The following TFCP2 variants were observed in gnomAD, a reference collection of about 807,000 sequenced individuals.
TFCP2 encodes transcription factor CP2, also known as alpha-globin transcription factor CP2.
TFCP2 carries 33 observed loss-of-function variants against 73.4 expected under a neutral mutation model. That is an observed-to-expected ratio of 0.45 (90% CI 0.34 to 0.60). The LOEUF (loss-of-function observed/expected upper bound fraction) is 0.60. Among genes scored for constraint, TFCP2 ranks in the 20% least tolerant of loss-of-function variants. The pLI is 0.01. For missense variants in TFCP2, 352 were observed against 604.0 expected (o/e 0.58, Z 4.37); for synonymous variants, 193 against 211.6 (o/e 0.91, Z 0.76).
At chr12:51,154,460 G>A (rs190577237) in intron 1 of TFCP2, among the ~76,000 whole-genome samples, 21 of 152,306 alleles carry the variant, frequency 1.4e-4, no homozygotes, top group Non-Finnish European at 2.2e-4. Context: ...TTGGGAGGCC[G>A]AGGCGGGTGG....
At chr12:51,125,574 C>A (rs2136994777) in intron 1 of TFCP2, among the ~76,000 whole-genome samples, 2 of 152,292 alleles carry the variant, frequency 1.3e-5, no homozygotes, top group Middle Eastern at 6.8e-3. Context: ...TTCTTTAGCC[C>A]TTCTGTCTAA....
Position 51,146,493 on chromosome 12 carries a change from A to G in TFCP2, c.122+25808T>C, listed in dbSNP as rs557482102. 1.1e-4 allele frequency among the ~76,000 whole-genome samples: 17 copies of G among 152,228 alleles called. No individual in the cohort carries two copies. The South Asian group carries it at 3.5e-3, about 32-fold the overall frequency. On this transcript the variant is annotated intron_variant, in intron 1 of 14. Transcript: ENST00000257915. ...AGAAATTAGGAAAATACAAATTAAA[A>G]CCACAATAAAATACTATTCCACACA...
intron 9 of TFCP2, 154 bp from the exon 10 acceptor site, chr12:51,103,917 G>GTTCCATCCT: frequency 5.6e-6 from 4 of 710,658 alleles, no homozygotes; most frequent in Non-Finnish European, 2.4e-6. Flanking sequence ...TGCTCAAGGA[G>GTTCCATCCT]TTCCATCCTT....
Position 51,107,228 on chromosome 12 carries a change from CTTT to C in TFCP2, c.828+5_828+7del. ...AACTGAAATTGTCACCAAAAGAAAT[CTTT>C]TTACCTCTGTGAGTATGGTTGTCTC... On this transcript the variant is annotated splice_donor_5th_base_variant and intron_variant, in intron 7 of 14. Transcript: ENST00000257915. 6.3e-7 allele frequency: 1 copy of C among 1,582,546 alleles called. No individual in the cohort carries two copies. The highest frequency in any genetic ancestry group is 8.6e-7 in the Non-Finnish European group (1 of 1,167,780).
chr12:51,167,852 G>C (rs894995076), intron 1 of TFCP2, among the ~76,000 whole-genome samples: 1 of 152,036 alleles, frequency 6.6e-6, no homozygotes, highest in Non-Finnish European at 1.5e-5. Context: ...CTTAAGGTCG[G>C]GAGTTAGAGA....
chr12:51,122,235 T>C (rs1340021616), intron 1 of TFCP2, among the ~76,000 whole-genome samples: 1 of 149,720 alleles, frequency 6.7e-6, no homozygotes, highest in East Asian at 1.9e-4. Flanking sequence ...CATGAAACAG[T>C]TTTATTTTTT....
intron 1 of TFCP2, among the ~76,000 whole-genome samples, chr12:51,162,630 G>T (rs963597183): frequency 6.6e-6 from 1 of 151,934 alleles, no homozygotes; most frequent in Non-Finnish European, 1.5e-5. Flanking sequence ...ACAATATATC[G>T]TTTTAACTAT....
intron 1 of TFCP2, among the ~76,000 whole-genome samples, chr12:51,156,346 G>C (rs540453865): frequency 8.6e-5 from 13 of 152,030 alleles, no homozygotes; most frequent in East Asian, 1.9e-4. Context: ...GGAAGCAAGG[G>C]GGGGGGAGGT....
chr12:51,102,372 G>A (rs1406796937), intron 10 of TFCP2, among the ~76,000 whole-genome samples: 2 of 151,974 alleles, frequency 1.3e-5, no homozygotes, highest in African/African-American at 2.4e-5. Flanking sequence ...GAGGCCAATC[G>A]ACTGTTAGGA....
chr12:51,147,860 CAG>C (rs1941331727), intron 1 of TFCP2, among the ~76,000 whole-genome samples: 1 of 152,122 alleles, frequency 6.6e-6, no homozygotes. Flanking sequence ...AGACAACCCA[CAG>C]AGTGGGAGAA....
At chr12:51,140,325 G>A (rs1941158285) in intron 1 of TFCP2, among the ~76,000 whole-genome samples, 1 of 151,992 alleles carries the variant, frequency 6.6e-6, no homozygotes, top group African/African-American at 2.4e-5. Context: ...AATACTTTGG[G>A]AGGCTGAGGC....
intron 10 of TFCP2, 58 bp from the exon 11 acceptor site, chr12:51,102,083 A>G (rs1940123144): frequency 4.2e-6 from 5 of 1,200,348 alleles, no homozygotes; most frequent in Non-Finnish European, 6.2e-6. Flanking sequence ...GTTAATGACT[A>G]TTAAAATGGG....
intron 1 of TFCP2, among the ~76,000 whole-genome samples, chr12:51,126,949 G>A (rs1940831562): frequency 6.6e-6 from 1 of 152,216 alleles, no homozygotes; most frequent in African/African-American, 2.4e-5. Context: ...CTGGCAAGAA[G>A]AGATGGCCCT....
chr12:51,143,342 CCA>C (rs1482391172), intron 1 of TFCP2, among the ~76,000 whole-genome samples: 1 of 150,168 alleles, frequency 6.7e-6, no homozygotes, highest in African/African-American at 2.5e-5. Context: ...AATGGCAACA[CCA>C]TCCAACAAAA....
At chr12:51,111,134 T>C (rs578245824) in intron 4 of TFCP2, 151 bp from the exon 5 acceptor site, 6 of 606,150 alleles carry the variant, frequency 9.9e-6, no homozygotes, top group African/African-American at 9.3e-5. Flanking sequence ...GTCGTTGTTG[T>C]TGTTTTTTAT....
chr12:51,124,678 C>T (rs781298564), intron 1 of TFCP2: 16 of 623,698 alleles, frequency 2.6e-5, no homozygotes, highest in Non-Finnish European at 3.9e-5. Context: ...TCCATCAGGC[C>T]GTCCCCCGCG....
chr12:51,158,670 G>C (rs570808926), intron 1 of TFCP2, among the ~76,000 whole-genome samples: 1 of 151,590 alleles, frequency 6.6e-6, no homozygotes, highest in Non-Finnish European at 1.5e-5. Flanking sequence ...TATATTTTTA[G>C]TAAAGACAGG....
At chr12:51,110,309 C>T (rs1940368266) in intron 5 of TFCP2, among the ~76,000 whole-genome samples, 1 of 152,094 alleles carries the variant, frequency 6.6e-6, no homozygotes, top group Admixed American at 6.6e-5. Flanking sequence ...TGGCTCACAC[C>T]TATAATCCCA....
Position 51,106,631 on chromosome 12 carries a change from G to A in TFCP2, c.829-18C>T, listed in dbSNP as rs762253633. On this transcript the variant is annotated intron_variant, in intron 7 of 14. Coordinates refer to ENST00000257915, the MANE Select transcript of TFCP2 (RefSeq NM_005653.5). ...GGAGAACACTAAAAACAAAGGATAA[G>A]TTAGATAATGAACGAGCACATATGA... 1.1e-5 allele frequency: 17 copies of A among 1,604,774 alleles called. No homozygotes were observed. The Admixed American group carries it at 2.5e-4, about 24-fold the overall frequency.
Sources: gnomAD v4.1 joint callset for allele counts (sites outside exome capture counted in the v4.1 genomes callset) on GRCh38, gnomAD v4.1.1 for gene constraint, MANE v1.5 for transcripts, NCBI Gene and HGNC (gene_info 2026-07-23, HGNC 2026-07-21) for gene names.